Variants in GPATCH8 observed in about 807,000 individuals in gnomAD.
GPATCH8 encodes G-patch domain containing 8, also known as G patch domain-containing protein 8.
Under a neutral mutation model 118.3 loss-of-function variants are expected in GPATCH8, and 18 were observed. The observed-to-expected ratio is 0.15, with a 90% CI of 0.11 to 0.23. The LOEUF is 0.23. Among genes scored for constraint, GPATCH8 ranks in the 10% least tolerant of loss-of-function variants. The pLI is 1.00. For synonymous variants in GPATCH8, 659 were observed against 684.7 expected (o/e 0.96, Z 0.59); for missense variants, 1,631 against 1,873.8 (o/e 0.87, Z 2.39).
At chr17:44,422,369 A>T (rs2049938466) in intron 6 of GPATCH8, among the ~76,000 whole-genome samples, 1 of 151,882 alleles carries the variant, frequency 6.6e-6, no homozygotes, top group Non-Finnish European at 1.5e-5. Flanking sequence ...TAATTAGCTT[A>T]GATTGGGGGG....
intron 4 of GPATCH8, among the ~76,000 whole-genome samples, chr17:44,435,816 G>A (rs2050490428): frequency 6.7e-6 from 1 of 148,736 alleles, no homozygotes; most frequent in South Asian, 2.1e-4. Context: ...GAGGTCAAGA[G>A]TTCAAGACCA....
Position 44,397,588 on chromosome 17 carries a change from G to C in GPATCH8, c.4489C>G (p.Pro1497Ala), listed in dbSNP as rs759691447. 4 of 1,612,940 alleles carry C rather than the reference G, an allele frequency of 2.5e-6. No homozygotes were observed. In the Admixed American group the frequency reaches 6.7e-5, roughly 27 times the overall value. Residue 1497 changes from proline (P) to alanine (A), a missense_variant, in exon 8 of 8, where the codon CCC (proline) becomes GCC (alanine). Coordinates refer to ENST00000591680, the MANE Select transcript of GPATCH8 (RefSeq NM_001002909.4). The part of the protein sequence containing the change: ...PIFSGQDLQH[P>A]PSHGT Reference sequence around the variant, plus strand: ...CCAACTCACGTGCCATGGCTGGGGGGATGTTGCAGGTCCTGACCTGAGAAG... The same window carrying C: ...CCAACTCACGTGCCATGGCTGGGGGCATGTTGCAGGTCCTGACCTGAGAAG...
At chr17:44,499,100 A>T (rs2144504460) in intron 1 of GPATCH8, among the ~76,000 whole-genome samples, 1 of 152,330 alleles carries the variant, frequency 6.6e-6, no homozygotes, top group Middle Eastern at 3.4e-3. Flanking sequence ...ACGACCTTTA[A>T]CATAGCATGT....
At chr17:44,411,719 C>T (rs1020970109) in intron 6 of GPATCH8, among the ~76,000 whole-genome samples, 7 of 152,182 alleles carry the variant, frequency 4.6e-5, no homozygotes, top group Non-Finnish European at 7.3e-5. Context: ...GCTCTCCCAA[C>T]AGGGACTGAG....
chr17:44,464,295 T>C (rs181440862), intron 3 of GPATCH8, among the ~76,000 whole-genome samples, 177 bp downstream of exon 3: 3 of 152,252 alleles, frequency 2.0e-5, no homozygotes, highest in East Asian at 1.9e-4. Flanking sequence ...CTGGCAAATA[T>C]AGAGGCTTAA....
intron 2 of GPATCH8, chr17:44,464,946 T>TA (rs1358309825): frequency 1.1e-5 from 2 of 174,320 alleles, no homozygotes; most frequent in Admixed American, 1.2e-4. Flanking sequence ...TTTTTTTTTT[T>TA]AAAGAAAATC....
chr17:44,401,254 C>T lies in GPATCH8; in HGVS notation c.823G>A (p.Ala275Thr). 5.6e-6 allele frequency: 9 copies of T among 1,613,962 alleles called. No individual in the cohort carries two copies. Among genetic ancestry groups the T allele is most frequent in the Non-Finnish European group, 7.6e-6 (9 of 1,179,848 alleles). ...QITNTTGLAQ[A>T]PGLASQGISF... is the part of the protein sequence containing the mutation. ...ATGCCTTGGGAGGCTAACCCAGGAG[C>T]CTGGGCCAGTCCAGTGGTATTAGTG... Residue 275 changes from alanine to threonine, a missense_variant, in exon 8 of 8, where the codon GCT becomes ACT. By Grantham distance (58) the Ala-to-Thr change is moderately conservative (BLOSUM62 0). This residue lies in a region of GPATCH8 where 405 missense variants were observed against 462.7 expected (regional missense o/e 0.88). Coordinates refer to ENST00000591680, the MANE Select transcript of GPATCH8 (RefSeq NM_001002909.4).
chr17:44,452,867 C>G (rs1216950049), intron 3 of GPATCH8, among the ~76,000 whole-genome samples: 1 of 151,002 alleles, frequency 6.6e-6, no homozygotes, highest in African/African-American at 2.4e-5. Context: ...CTTTGTCACT[C>G]AGGCTGGAGT....
At chr17:44,438,977 G>GT (rs1294259113) in intron 3 of GPATCH8, among the ~76,000 whole-genome samples, 1 of 152,174 alleles carries the variant, frequency 6.6e-6, no homozygotes, top group Non-Finnish European at 1.5e-5. Flanking sequence ...TCAGTTTAAA[G>GT]TAAGAGAACT....
intron 6 of GPATCH8, among the ~76,000 whole-genome samples, chr17:44,421,145 A>G (rs938906538): frequency 4.6e-5 from 7 of 151,820 alleles, no homozygotes; most frequent in Non-Finnish European, 7.4e-5. Flanking sequence ...GAGCCACCAC[A>G]CCCAGCCTAT....
chr17:44,493,388 C>T (rs1969429391), intron 1 of GPATCH8, among the ~76,000 whole-genome samples: 1 of 152,072 alleles, frequency 6.6e-6, no homozygotes, highest in African/African-American at 2.4e-5. Context: ...CTGAGATGTT[C>T]TGAAACAAAA....
At chr17:44,429,144 A>AAG (rs1335431684) in intron 5 of GPATCH8, among the ~76,000 whole-genome samples, 1 of 152,216 alleles carries the variant, frequency 6.6e-6, no homozygotes, top group Non-Finnish European at 1.5e-5. Flanking sequence ...CTCAAAAAAA[A>AAG]AGAATATTTA....
chr17:44,451,961 C>T (rs973781897), intron 3 of GPATCH8, among the ~76,000 whole-genome samples: 1 of 152,028 alleles, frequency 6.6e-6, no homozygotes, highest in African/African-American at 2.4e-5. Flanking sequence ...CAAGATTCTA[C>T]CACTTATCTG....
chr17:44,457,716 A>G (rs937956999), intron 3 of GPATCH8, among the ~76,000 whole-genome samples: 2 of 152,104 alleles, frequency 1.3e-5, no homozygotes, highest in Non-Finnish European at 2.9e-5. Context: ...GGAGGATCAC[A>G]TGAGCCCAGG....
intron 3 of GPATCH8, among the ~76,000 whole-genome samples, chr17:44,448,544 GAAGA>G (rs2050984312): frequency 6.8e-5 from 2 of 29,620 alleles, no homozygotes; most frequent in Non-Finnish European, 1.0e-4. Flanking sequence ...GAAGGAAGAA[GAAGA>G]GGAAGAGGAA....
chr17:44,409,543 A>G, intron 6 of GPATCH8, among the ~76,000 whole-genome samples: 1 of 152,184 alleles, frequency 6.6e-6, no homozygotes, highest in East Asian at 1.9e-4. Context: ...CCTAGCAGCT[A>G]TCGTACTTTG....
At chr17:44,439,340 C>A (rs1265956625) in intron 3 of GPATCH8, among the ~76,000 whole-genome samples, 1 of 152,100 alleles carries the variant, frequency 6.6e-6, no homozygotes, top group Non-Finnish European at 1.5e-5. Flanking sequence ...ACTTCCCAGG[C>A]TGGCCAATAT....
At chr17:44,496,578 T>C (rs1021912176) in intron 1 of GPATCH8, among the ~76,000 whole-genome samples, 1 of 152,202 alleles carries the variant, frequency 6.6e-6, no homozygotes, top group Non-Finnish European at 1.5e-5. Context: ...ACAGGAATTA[T>C]TGTACCTCAA....
intron 1 of GPATCH8, among the ~76,000 whole-genome samples, chr17:44,484,278 G>A (rs1051904682): frequency 6.6e-6 from 1 of 152,006 alleles, no homozygotes; most frequent in Non-Finnish European, 1.5e-5. Context: ...GCCACCATGC[G>A]CAGCCCAGAA....
Sources: allele counts gnomAD v4.1 joint callset (sites outside exome capture counted in the v4.1 genomes callset), GRCh38; gene constraint gnomAD v4.1.1; regional missense constraint gnomAD v4.1.1; transcripts MANE v1.5; gene names NCBI Gene and HGNC (gene_info 2026-07-23, HGNC 2026-07-21).